Variants in COL24A1 observed in about 807,000 individuals in gnomAD.
COL24A1 encodes the protein collagen alpha-1(XXIV) chain.
Under a neutral mutation model 253.9 loss-of-function variants are expected in COL24A1, and 224 were observed. The observed-to-expected ratio is 0.88, with a 90% CI of 0.79 to 0.99. COL24A1 has a LOEUF of 0.99. COL24A1 is among the 50% of genes least tolerant of loss of function. The pLI, the probability that COL24A1 is intolerant of heterozygous loss-of-function variation, is 0.00. For missense variants in COL24A1, 2,131 were observed against 2,068.5 expected (o/e 1.03, Z -0.59); for synonymous variants, 685 against 673.7 (o/e 1.02, Z -0.26).
chr1:86,062,539 A>C (rs976123066), intron 8 of COL24A1, among the ~76,000 whole-genome samples: 8 of 152,094 alleles, frequency 5.3e-5, no homozygotes, highest in African/African-American at 1.9e-4. Context: ...GTACTAGTTT[A>C]TGGAGCAGTT....
At chr1:85,797,961 G>C (rs1270786230) in intron 47 of COL24A1, among the ~76,000 whole-genome samples, 1 of 152,130 alleles carries the variant, frequency 6.6e-6, no homozygotes, top group Non-Finnish European at 1.5e-5. Flanking sequence ...GGGAGGCCGA[G>C]GTGGGATAAC....
chr1:86,035,850 C>T (rs1698960934), intron 12 of COL24A1, among the ~76,000 whole-genome samples: 1 of 152,076 alleles, frequency 6.6e-6, no homozygotes, highest in Admixed American at 6.6e-5. Context: ...CCTTCCCAGT[C>T]CCTTGCATCC....
intron 8 of COL24A1, 30 bp downstream of exon 8, chr1:86,063,685 T>C (rs1383005982): frequency 5.4e-6 from 8 of 1,478,442 alleles, no homozygotes; most frequent in Non-Finnish European, 7.3e-6. Context: ...TTTTCACACA[T>C]GATACAAGTC....
chr1:85,980,719 T>C (rs771200034), intron 20 of COL24A1, among the ~76,000 whole-genome samples: 6 of 151,998 alleles, frequency 3.9e-5, no homozygotes, highest in Non-Finnish European at 5.9e-5. Flanking sequence ...CCATCCTGGC[T>C]AACAAGGTGA....
At chr1:85,872,750 G>A (rs1463264114) in intron 35 of COL24A1, among the ~76,000 whole-genome samples, 1 of 152,114 alleles carries the variant, frequency 6.6e-6, no homozygotes, top group African/African-American at 2.4e-5. Context: ...AGAAAACCTA[G>A]GCATTACCAT....
At chr1:86,095,569 A>C (rs929855672) in intron 5 of COL24A1, among the ~76,000 whole-genome samples, 6 of 152,102 alleles carry the variant, frequency 3.9e-5, no homozygotes, top group African/African-American at 1.4e-4. Context: ...TTGAAGGAGA[A>C]AACTCCAAAA....
rs187705574 is a variant in COL24A1, at chr1:85,841,233, G to A, written c.3616C>T (p.Arg1206Ter). 2.5e-6 allele frequency: 4 copies of A among 1,602,952 alleles called. No homozygotes were observed. The highest frequency in any genetic ancestry group is 2.7e-5 in the African/African-American group (2 of 74,182). Residue 1206 changes from arginine to a stop codon, truncating the protein, a stop_gained, in exon 42 of 60, where the codon CGA becomes TGA. Transcript: ENST00000370571. LOFTEE classifies it high-confidence loss of function. The part of the protein sequence containing the change: ...DSTVLGPPGP[R>*]GEPGPVGDQG... ...AGAAAAAGACCTACTGGTTCACCTC[G>A]AGGCCCAGGTGGTCCTAGGACTGTG...
At chr1:85,815,680 A>G (rs1672986236) in intron 47 of COL24A1, among the ~76,000 whole-genome samples, 1 of 152,068 alleles carries the variant, frequency 6.6e-6, no homozygotes, top group Non-Finnish European at 1.5e-5. Flanking sequence ...ATAGCACCAT[A>G]CTAGATTTGA....
In COL24A1 at chr1:85,737,416, G is replaced by A; in HGVS notation, c.4762C>T (p.Pro1588Ser). 1 of 1,612,012 alleles carries A rather than the reference G, an allele frequency of 6.2e-7. No individual in the cohort carries two copies. The highest frequency in any genetic ancestry group is 8.5e-7 in the Non-Finnish European group (1 of 1,178,680). Reference protein sequence around the residue: ...NFSAGGQTCLPPVSVTKLEFG... With the variant: ...NFSAGGQTCLSPVSVTKLEFG... ...CATACCTTTGTTACAGAAACAGGAG[G>A]TAAGCATGTCTGGCCACCAGCACTG... The change falls in exon 58 of 60, where the codon CCT becomes TCT. Residue 1588 changes from proline to serine, a missense_variant. Physicochemically the swap from Pro to Ser is moderately conservative, Grantham distance 74. Coordinates refer to ENST00000370571, the MANE Select transcript of COL24A1 (RefSeq NM_152890.7).
At position 86,125,931 on chromosome 1, in the gene COL24A1, TAC is replaced by T. The variant is rs763376641; in HGVS notation, c.403_404del (p.Val135ThrfsTer5). Reference protein sequence around the residue: ...IRNKNRLQLGVQLLPKKLVVH... With the variant: ...IRNKNRLQLGXQLLPKKLVVH... ...CTACTAATTTTTTAGGTAGTAATTG[TAC>T]TCCTAATTGCAGTCTATTTTTATTT... On this transcript the variant is annotated frameshift_variant, in exon 3 of 60. Transcript: ENST00000370571. LOFTEE classifies it high-confidence loss of function. The T allele has an allele frequency of 2.4e-5, 39 of 1,613,400 alleles. No individual in the cohort carries two copies. The highest frequency in any genetic ancestry group is 6.8e-6 in the Non-Finnish European group (8 of 1,179,764).
At chr1:85,758,424 C>T (rs569630822) in intron 55 of COL24A1, among the ~76,000 whole-genome samples, 17 of 152,264 alleles carry the variant, frequency 1.1e-4, no homozygotes, top group Non-Finnish European at 2.2e-4. Context: ...CATATAGACA[C>T]CCTGTTCTTC....
chr1:85,849,342 T>G lies in COL24A1; in HGVS notation c.3354+11A>C. 1 of 1,611,050 alleles carries G rather than the reference T, an allele frequency of 6.2e-7. No homozygotes were observed. The highest frequency in any genetic ancestry group is 1.1e-5 in the South Asian group (1 of 90,864). Reference sequence around the variant, plus strand: ...GAAAGAAAACCTGCATAAGAAGATGTAAAAAATTACCTTTTTTCCTGGACG... The same window carrying G: ...GAAAGAAAACCTGCATAAGAAGATGGAAAAAATTACCTTTTTTCCTGGACG... On this transcript the variant is annotated intron_variant, in intron 38 of 59. Transcript: ENST00000370571.
At chr1:85,836,005 C>T (rs1045688110) in intron 43 of COL24A1, among the ~76,000 whole-genome samples, 6 of 152,146 alleles carry the variant, frequency 3.9e-5, no homozygotes, top group African/African-American at 1.4e-4. Context: ...AAAGGAGCAT[C>T]CTCATCTCCA....
At chr1:85,993,422 TGC>T (rs1694478706) in intron 19 of COL24A1, among the ~76,000 whole-genome samples, 1 of 145,264 alleles carries the variant, frequency 6.9e-6, no homozygotes. Context: ...AAATGTCTTA[TGC>T]TAAGTGAAAG....
chr1:86,046,443 C>T (rs1699909607), intron 12 of COL24A1, among the ~76,000 whole-genome samples: 3 of 152,026 alleles, frequency 2.0e-5, no homozygotes, highest in South Asian at 4.1e-4. Context: ...AGCTGAAGCA[C>T]GCATTTTAAA....
intron 58 of COL24A1, chr1:85,736,245 G>A (rs1487804438): frequency 2.2e-6 from 1 of 453,708 alleles, no homozygotes; most frequent in Non-Finnish European, 4.4e-6. Context: ...CTGATTCCAA[G>A]TCTACTGTTC....
At chr1:85,905,799 GAA>G (rs1287060022) in intron 28 of COL24A1, among the ~76,000 whole-genome samples, 1 of 152,082 alleles carries the variant, frequency 6.6e-6, no homozygotes, top group Non-Finnish European at 1.5e-5. Flanking sequence ...AGTGGTTTAG[GAA>G]AAGACTGTGC....
intron 43 of COL24A1, among the ~76,000 whole-genome samples, chr1:85,835,674 C>G (rs1675918391): frequency 6.6e-6 from 1 of 152,006 alleles, no homozygotes; most frequent in South Asian, 2.1e-4. Flanking sequence ...ATGTATAATT[C>G]TATTTATATG....
At chr1:86,062,034 G>A (rs1232712030) in intron 8 of COL24A1, among the ~76,000 whole-genome samples, 1 of 151,978 alleles carries the variant, frequency 6.6e-6, no homozygotes, top group Non-Finnish European at 1.5e-5. Context: ...GGATAAAATA[G>A]AACAATGCGT....
Sources: allele counts gnomAD v4.1 joint callset (sites outside exome capture counted in the v4.1 genomes callset), GRCh38; gene constraint gnomAD v4.1.1; transcripts MANE v1.5; gene names NCBI Gene and HGNC (gene_info 2026-07-23, HGNC 2026-07-21).